The following GNA11 variants were observed in gnomAD, a reference collection of about 807,000 sequenced individuals.
GNA11 encodes G protein subunit alpha 11.
A neutral mutation model predicts 38.2 loss-of-function variants in GNA11; 8 were observed. That is an observed-to-expected ratio of 0.21 (90% CI 0.12 to 0.38). GNA11 has a LOEUF of 0.38. GNA11 is among the 10% of genes least tolerant of loss of function. The pLI is 1.00. For missense variants in GNA11, 268 were observed against 516.3 expected, an observed-to-expected ratio of 0.52 and a Z score of 4.66; for synonymous variants, 211 against 221.4, an observed-to-expected ratio of 0.95 and a Z score of 0.42.
At chr19:3,097,925 G>C (rs75239426) in intron 1 of GNA11, among the ~76,000 whole-genome samples, 5,821 of 152,202 alleles carry the variant, frequency 0.038, 357 homozygotes, top group African/African-American at 0.13. Context: ...GATAACCACA[G>C]ATGTCTCTAG....
intron 1 of GNA11, among the ~76,000 whole-genome samples, chr19:3,097,829 G>C (rs1389471023): frequency 2.6e-5 from 4 of 152,182 alleles, no homozygotes; most frequent in Non-Finnish European, 5.9e-5. Context: ...GTTGGTCTCT[G>C]GGGTGGGGCT....
chr19:3,109,107 G>T (rs117947748), intron 1 of GNA11, among the ~76,000 whole-genome samples: 2,625 of 152,348 alleles, frequency 0.017, 39 homozygotes, highest in Non-Finnish European at 0.029. Flanking sequence ...TCAAGGGGAG[G>T]GGAATTAGGT....
Position 3,110,810 on chromosome 19 carries a change from T to G in GNA11, c.321+477T>G, listed in dbSNP as rs755682350. Reference sequence around the variant, plus strand: ...TTTTTTGTTTTGTTTTGTTTTGTTTTGTTTTGAAAACAGGGTCTCGCTCTG... The same window carrying G: ...TTTTTTGTTTTGTTTTGTTTTGTTTGGTTTTGAAAACAGGGTCTCGCTCTG... On this transcript the variant is annotated intron_variant, in intron 2 of 6. Transcript: ENST00000078429. This position sits in a 1 kb window ranked among gnomAD's most constrained non-coding sequence, Gnocchi z 5.4. 6.6e-6 allele frequency among the ~76,000 whole-genome samples: 1 copy of G among 152,158 alleles called. No homozygotes were observed. Among genetic ancestry groups the G allele is most frequent in the Non-Finnish European group, 1.5e-5 (1 of 68,012 alleles).
intron 2 of GNA11, among the ~76,000 whole-genome samples, chr19:3,111,005 G>C (rs562566292): frequency 6.6e-6 from 1 of 152,162 alleles, no homozygotes; most frequent in African/African-American, 2.4e-5. Context: ...TGTTGCCCAG[G>C]CTGGTCTTGA....
At chr19:3,115,225 C>T (rs1363746875) in intron 4 of GNA11, 153 bp downstream of exon 4, 5 of 799,416 alleles carry the variant, frequency 6.3e-6, no homozygotes, top group African/African-American at 1.8e-5. Context: ...GCAACATAGC[C>T]AGACCTCATA....
At position 3,108,394 on chromosome 19, in the gene GNA11, C is replaced by T. The variant is rs1913686582; in HGVS notation, c.137-1755C>T. Among the ~76,000 whole-genome samples, 1 of 152,092 alleles carries T rather than the reference C, an allele frequency of 6.6e-6. No individual in the cohort carries two copies. The highest frequency in any genetic ancestry group is 2.4e-5 in the African/African-American group (1 of 41,388). The stretch of plus-strand genomic sequence containing the variant: ...GGCTGTGAGAGGAAGTGAGCTGGGT[C>T]CCAGCACCAGGCAGCCTTTAGGCAG... On this transcript the variant is annotated intron_variant, in intron 1 of 6. Coordinates refer to ENST00000078429, the MANE Select transcript of GNA11 (RefSeq NM_002067.5). The surrounding 1 kb of genome is among the most constrained non-coding windows in gnomAD (Gnocchi z 4.5).
chr19:3,122,946 C>CG lies in GNA11; in HGVS notation c.*1767_*1768insG, dbSNP rs1348800067. On this transcript the variant is annotated 3_prime_UTR_variant, in exon 7 of 7. Transcript: ENST00000078429. The surrounding 1 kb of genome is among the most constrained non-coding windows in gnomAD (Gnocchi z 7.7). Reference sequence around the variant, plus strand: ...TGGGGAGACGGGGCTGGCGGGATACCCCCCCCCCGGCTTCCCCACACCACT... The same window carrying CG: ...TGGGGAGACGGGGCTGGCGGGATACCGCCCCCCCCGGCTTCCCCACACCACT... The CG allele has an allele frequency of 3.5e-4, 52 of 148,586 alleles. No homozygotes were observed. Among genetic ancestry groups the CG allele is most frequent in the Middle Eastern group, 1.7e-3 (1 of 588 alleles). The allele number at this position is 148,586 out of a possible 1,614,324, so 9.2% of individuals were successfully genotyped here.
chr19:3,111,806 CAGTGGCCTCCCT>C (rs1022125990), intron 2 of GNA11, among the ~76,000 whole-genome samples: 12 of 152,236 alleles, frequency 7.9e-5, no homozygotes, highest in Admixed American at 6.5e-4. Context: ...TGGCTCCTGC[CAGTGGCCTCCCT>C]GGGGCCTTTC....
At chr19:3,104,542 A>G (rs1030133644) in intron 1 of GNA11, among the ~76,000 whole-genome samples, 2 of 152,216 alleles carry the variant, frequency 1.3e-5, no homozygotes, top group African/African-American at 4.8e-5. Flanking sequence ...CCATTCTCCC[A>G]GGAGCCATGG....
At chr19:3,104,144 C>T (rs2145309892) in intron 1 of GNA11, among the ~76,000 whole-genome samples, 1 of 152,356 alleles carries the variant, frequency 6.6e-6, no homozygotes, top group African/African-American at 2.4e-5. Context: ...TCGGATGAGC[C>T]CCCAGCTCCT....
intron 1 of GNA11, among the ~76,000 whole-genome samples, chr19:3,109,676 C>G (rs1304100827): frequency 6.6e-6 from 1 of 152,146 alleles, no homozygotes; most frequent in African/African-American, 2.4e-5. Context: ...GCGCCCAGCC[C>G]TTGGGGTGGT....
intron 1 of GNA11, among the ~76,000 whole-genome samples, chr19:3,107,346 G>T (rs1227838303): frequency 6.6e-6 from 1 of 152,160 alleles, no homozygotes; most frequent in African/African-American, 2.4e-5. Context: ...CGGCATCCTC[G>T]CTGAGAGCTG....
rs1555701425 is a variant in GNA11, at chr19:3,108,349, T to C, written c.137-1800T>C. ...CCGGAGGGAGAGTTGTGTTGGGGCT[T>C]GGGGGCTTTCTAGAGCAGAGGCTGT... On this transcript the variant is annotated intron_variant, in intron 1 of 6. Coordinates refer to ENST00000078429, the MANE Select transcript of GNA11 (RefSeq NM_002067.5). The surrounding 1 kb of genome is among the most constrained non-coding windows in gnomAD (Gnocchi z 4.5). 6.6e-6 allele frequency among the ~76,000 whole-genome samples: 1 copy of C among 151,636 alleles called. No individual in the cohort carries two copies. Among genetic ancestry groups the C allele is most frequent in the Non-Finnish European group, 1.5e-5 (1 of 68,010 alleles).
At chr19:3,097,734 G>A (rs894667120) in intron 1 of GNA11, among the ~76,000 whole-genome samples, 1 of 151,980 alleles carries the variant, frequency 6.6e-6, no homozygotes, top group Non-Finnish European at 1.5e-5. Flanking sequence ...CTCCCGCGGC[G>A]GCTAAAATGT....
chr19:3,100,026 C>T (rs1913463980), intron 1 of GNA11, among the ~76,000 whole-genome samples: 5 of 152,260 alleles, frequency 3.3e-5, no homozygotes, highest in Admixed American at 3.3e-4. Flanking sequence ...GCTGCTTCCG[C>T]TGCCGGTGTG....
At position 3,122,886 on chromosome 19, in the gene GNA11, G is replaced by A. The variant is rs547896394; in HGVS notation, c.*1707G>A. ...CCCGTGGAAGGGTCAGGGGAGACCA[G>A]GTCAGGGCAGCTACATTTCTGGTGA... On this transcript the variant is annotated 3_prime_UTR_variant, in exon 7 of 7. Coordinates refer to ENST00000078429, the MANE Select transcript of GNA11 (RefSeq NM_002067.5). This position sits in a 1 kb window ranked among gnomAD's most constrained non-coding sequence, Gnocchi z 7.7. 148 of 233,464 alleles carry A rather than the reference G, an allele frequency of 6.3e-4. 1 individual carries two copies. In the East Asian group the frequency reaches 8.7e-3, roughly 14 times the overall value. 14.5% of individuals were successfully genotyped at this position (233,464 alleles called of 1,614,324 possible).
Position 3,122,659 on chromosome 19 carries a change from C to T in GNA11, c.*1480C>T, listed in dbSNP as rs1211158944. 2.1e-5 allele frequency: 5 copies of T among 233,472 alleles called. No individual in the cohort carries two copies. The highest frequency in any genetic ancestry group is 1.3e-3 in the Middle Eastern group (1 of 786). 14.5% of individuals were successfully genotyped at this position (233,472 alleles called of 1,614,324 possible). A position where few individuals can be genotyped will look rare whatever the true frequency, so the allele number is the denominator to read the frequency against. On this transcript the variant is annotated 3_prime_UTR_variant, in exon 7 of 7. Coordinates refer to ENST00000078429, the MANE Select transcript of GNA11 (RefSeq NM_002067.5). The surrounding 1 kb of genome is among the most constrained non-coding windows in gnomAD (Gnocchi z 7.7). ...TCGCACAGCTGTCCCAGGGATGGAT[C>T]GCCTGTGCTGCCTTCGCCCGCCGCC...
chr19:3,106,600 G>C (rs1385318287), intron 1 of GNA11, among the ~76,000 whole-genome samples: 1 of 152,010 alleles, frequency 6.6e-6, no homozygotes, highest in Non-Finnish European at 1.5e-5. Flanking sequence ...GGTGGGTTAT[G>C]TGGGAGACAC....
At position 3,122,530 on chromosome 19, in the gene GNA11, TC is replaced by T. The variant is rs1013378468; in HGVS notation, c.*1355del. ...GGCACTGAGGCACCGAGACTGGTTC[TC>T]CCCGAGAGACTCGGAAGGTGGGGAA... On this transcript the variant is annotated 3_prime_UTR_variant, in exon 7 of 7. Coordinates refer to ENST00000078429, the MANE Select transcript of GNA11 (RefSeq NM_002067.5). This position sits in a 1 kb window ranked among gnomAD's most constrained non-coding sequence, Gnocchi z 7.7. The T allele has an allele frequency of 8.6e-4, 199 of 232,640 alleles. 1 individual carries two copies. The highest frequency in any genetic ancestry group is 4.1e-3 in the African/African-American group (186 of 45,372). The allele number at this position is 232,640 out of a possible 1,614,324, so 14.4% of individuals were successfully genotyped here.
Sources: allele counts gnomAD v4.1 joint callset (sites outside exome capture counted in the v4.1 genomes callset), GRCh38; gene constraint gnomAD v4.1.1; non-coding constraint Gnocchi (gnomAD v3.1); transcripts MANE v1.5; gene names NCBI Gene and HGNC (gene_info 2026-07-23, HGNC 2026-07-21).